Variants in DNAH14 observed in about 807,000 individuals in gnomAD.
The protein encoded by DNAH14 is axonemal beta dynein heavy chain 14.
A neutral mutation model predicts 520.9 loss-of-function variants in DNAH14; 478 were observed. The ratio of observed to expected loss-of-function variants is 0.92; its 90% CI spans 0.85 to 0.99. The LOEUF (loss-of-function observed/expected upper bound fraction) is 0.99, where lower values mean the gene tolerates loss of function less well. Among genes scored for constraint, DNAH14 ranks in the 50% least tolerant of loss-of-function variants. The pLI, the probability that DNAH14 is intolerant of heterozygous loss-of-function variation, is 0.00. For missense variants in DNAH14, 4,831 were observed against 5,234.5 expected (o/e 0.92, Z 2.38); for synonymous variants, 1,581 against 1,757.2 (o/e 0.90, Z 2.51).
At chr1:225,264,299 T>G in intron 47 of DNAH14, 38 bp downstream of exon 47, 2 of 1,423,526 alleles carry the variant, frequency 1.4e-6, no homozygotes, top group Non-Finnish European at 9.6e-7. Flanking sequence ...TATGCTATGT[T>G]TCAAAACTTC....
chr1:225,155,175 G>C (rs1373368532), intron 34 of DNAH14, among the ~76,000 whole-genome samples: 2 of 151,954 alleles, frequency 1.3e-5, no homozygotes, highest in Non-Finnish European at 2.9e-5. Context: ...TTCCTTTCTG[G>C]GTAGAAAGGA....
chr1:225,060,515 G>T (rs1055616709), intron 17 of DNAH14, among the ~76,000 whole-genome samples: 4 of 152,044 alleles, frequency 2.6e-5, no homozygotes, highest in South Asian at 2.1e-4. Context: ...CTCTCAACTC[G>T]TCAAAGTCAT....
chr1:225,374,846 T>G lies in DNAH14; in HGVS notation c.12477T>G (p.Pro4159=), dbSNP rs1301846238. Residue 4159 remains proline (P), a synonymous_variant, in exon 78 of 86, where the codon CCT becomes CCG. Transcript: ENST00000682510. ...LKTLLYKFCN[P]EVLKDDFSFS... ...CCCTACTCTACAAATTTTGTAATCC[T>G]GAAGTGCTGAAAGATGACTTCAGTT... is the stretch of plus-strand genomic sequence containing the variant. 6.4e-7 allele frequency: 1 copy of G among 1,551,152 alleles called. No homozygotes were observed. Among genetic ancestry groups the G allele is most frequent in the South Asian group, 1.2e-5 (1 of 84,004 alleles).
chr1:225,257,574 C>T (rs574939513), intron 44 of DNAH14, among the ~76,000 whole-genome samples: 25 of 147,192 alleles, frequency 1.7e-4, no homozygotes, highest in South Asian at 2.1e-4. Flanking sequence ...GAGTCTCTGT[C>T]GCCCAGGCTG....
At chr1:224,935,487 G>C (rs556180774) in intron 1 of DNAH14, among the ~76,000 whole-genome samples, 1 of 151,764 alleles carries the variant, frequency 6.6e-6, no homozygotes, top group East Asian at 1.9e-4. Flanking sequence ...AGACAAGGTC[G>C]TTATATAATG....
At position 225,117,575 on chromosome 1, in the gene DNAH14, C is replaced by G. The variant is rs982686859; in HGVS notation, c.3868-109C>G. 16 of 656,464 alleles carry G rather than the reference C, an allele frequency of 2.4e-5. No homozygotes were observed. In the African/African-American group the frequency reaches 2.9e-4, roughly 12 times the overall value. 40.7% of individuals were successfully genotyped at this position (656,464 alleles called of 1,614,324 possible). A position where few individuals can be genotyped will look rare whatever the true frequency, so the allele number is the denominator to read the frequency against. ...TTTTAACTGATACTACTATATATAC[C>G]ATAACTAATATTGTGGCTTTTGTTT... is the stretch of plus-strand genomic sequence containing the variant. On this transcript the variant is annotated intron_variant, in intron 23 of 85. Transcript: ENST00000682510.
chr1:225,081,177 G>A (rs1186314526), intron 19 of DNAH14, among the ~76,000 whole-genome samples: 1 of 152,134 alleles, frequency 6.6e-6, no homozygotes, highest in Non-Finnish European at 1.5e-5. Flanking sequence ...CCAATGCAAA[G>A]ATACTGTTTT....
chr1:225,195,642 C>A (rs1224437998), intron 38 of DNAH14, among the ~76,000 whole-genome samples: 4 of 146,730 alleles, frequency 2.7e-5, no homozygotes, highest in Non-Finnish European at 6.0e-5. Flanking sequence ...TACCCCTGAA[C>A]CTAAAATAAA....
rs1055890499 is a variant in DNAH14, at chr1:225,240,611, T to C, written c.6537T>C (p.Tyr2179=). ...ACCCCAGGGATGAAAATACATGGTA[T>C]CCAGAGAAAAATCCTGATAAATTAA... The part of the protein sequence containing the change: ...DIEKRDENTW[Y]PEKNPDKLTK... Residue 2179 remains tyrosine (Y), a synonymous_variant, in exon 43 of 86, where the codon TAT becomes TAC. Transcript: ENST00000682510. 6.5e-7 allele frequency: 1 copy of C among 1,549,218 alleles called. No individual in the cohort carries two copies. Among genetic ancestry groups the C allele is most frequent in the Non-Finnish European group, 8.7e-7 (1 of 1,145,242 alleles).
intron 12 of DNAH14, among the ~76,000 whole-genome samples, chr1:225,041,015 T>G (rs890484611): frequency 4.6e-5 from 7 of 152,242 alleles, no homozygotes; most frequent in African/African-American, 1.7e-4. Flanking sequence ...ACCAATAAGA[T>G]TCACGCATCT....
chr1:225,006,927 C>G (rs2064220277), intron 9 of DNAH14, among the ~76,000 whole-genome samples: 1 of 152,106 alleles, frequency 6.6e-6, no homozygotes, highest in African/African-American at 2.4e-5. Context: ...CCCCAGAGGC[C>G]CAGCTGTAAA....
intron 54 of DNAH14, among the ~76,000 whole-genome samples, chr1:225,281,969 C>T (rs927219590): frequency 1.3e-5 from 2 of 148,662 alleles, no homozygotes; most frequent in African/African-American, 2.5e-5. Context: ...TATTCATACA[C>T]ACACACACAC....
At chr1:225,224,770 C>T (rs1454132185) in intron 41 of DNAH14, among the ~76,000 whole-genome samples, 1 of 152,196 alleles carries the variant, frequency 6.6e-6, no homozygotes, top group African/African-American at 2.4e-5. Flanking sequence ...TCTGGATTTA[C>T]TGGCACTCAG....
chr1:224,968,660 A>T (rs766111887), intron 6 of DNAH14, 99 bp from the exon 7 acceptor site: 26 of 751,168 alleles, frequency 3.5e-5, no homozygotes, highest in Non-Finnish European at 5.1e-5. Context: ...GCAAGAAGTT[A>T]CAAGAAGTTA....
intron 72 of DNAH14, among the ~76,000 whole-genome samples, chr1:225,352,689 G>T (rs992970469): frequency 1.3e-5 from 2 of 151,574 alleles, no homozygotes; most frequent in African/African-American, 2.4e-5. Flanking sequence ...ATTTGCTTTT[G>T]TCTTATTATA....
At chr1:225,304,795 C>T (rs2150089946) in intron 57 of DNAH14, 113 bp from the exon 58 acceptor site, 1 of 1,033,716 alleles carries the variant, frequency 9.7e-7, no homozygotes, top group African/African-American at 1.6e-5. Context: ...CTCTCTACAT[C>T]TCCACATCTC....
At chr1:225,117,574 C>T (rs898236138) in intron 23 of DNAH14, 110 bp from the exon 24 acceptor site, 6 of 656,066 alleles carry the variant, frequency 9.1e-6, no homozygotes, top group Non-Finnish European at 1.3e-5. Flanking sequence ...ACTATATATA[C>T]CATAACTAAT....
chr1:225,110,970 T>C (rs929743188), intron 23 of DNAH14, among the ~76,000 whole-genome samples: 3 of 152,116 alleles, frequency 2.0e-5, no homozygotes, highest in Non-Finnish European at 2.9e-5. Flanking sequence ...TTTTATTCCA[T>C]TGTGGTCAGA....
At chr1:225,113,099 T>C (rs1209691025) in intron 23 of DNAH14, among the ~76,000 whole-genome samples, 1 of 152,152 alleles carries the variant, frequency 6.6e-6, no homozygotes, top group African/African-American at 2.4e-5. Flanking sequence ...TCTGGGCTTG[T>C]TTGAACTTAT....
Sources: gnomAD v4.1 joint callset for allele counts (sites outside exome capture counted in the v4.1 genomes callset) on GRCh38, gnomAD v4.1.1 for gene constraint, MANE v1.5 for transcripts, NCBI Gene and HGNC (gene_info 2026-07-23, HGNC 2026-07-21) for gene names.